UGT2B28: variants seen among roughly 807,000 people sequenced by gnomAD.
UGT2B28 encodes UDP glucuronosyltransferase family 2 member B28, also known as UDP-glucuronosyltransferase 2B28.
In UGT2B28, 45 loss-of-function variants were observed where a neutral mutation model predicts 43.6. That is an observed-to-expected ratio of 1.03 (90% CI 0.81 to 1.32). The LOEUF is 1.32. Ranked by LOEUF, UGT2B28 falls within the 40% of genes most tolerant of loss-of-function variation. UGT2B28 has a pLI of 0.00. For synonymous variants in UGT2B28, 204 were observed against 208.1 expected (o/e 0.98, Z 0.17); for missense variants, 649 against 625.5 (o/e 1.04, Z -0.40).
In UGT2B28 at chr4:69,285,753, T is replaced by A. The variant is rs1428318728; in HGVS notation, c.871-999T>A. On this transcript the variant is annotated intron_variant, in intron 2 of 5. Transcript: ENST00000335568. ...ATCGGTATACATTGGGGAACTCAAG[T>A]CAGAATAATTCTCAATCAATTGCAG... 1.4e-5 allele frequency among the ~76,000 whole-genome samples: 2 copies of A among 140,994 alleles called. 1 individual carries two copies. The highest frequency in any genetic ancestry group is 3.0e-5 in the Non-Finnish European group (2 of 65,938). 92.5% of individuals were successfully genotyped at this position (140,994 alleles called of 152,430 possible). A position where few individuals can be genotyped will look rare whatever the true frequency, so the allele number is the denominator to read the frequency against.
chr4:69,290,604 C>T lies in UGT2B28; in HGVS notation c.1103C>T (p.Thr368Ile). 1 of 1,557,176 alleles carries T rather than the reference C, an allele frequency of 6.4e-7. No homozygotes were observed. The highest frequency in any genetic ancestry group is 8.7e-7 in the Non-Finnish European group (1 of 1,153,790). ...PQNDLLGLPK[T>I]RAFITHGGAN... ...CATCCAATCCTAGGTCTTCCAAAAACCAGAGCTTTTATAACTCATGGTGGA... is the reference window on the plus strand; with the variant it reads ...CATCCAATCCTAGGTCTTCCAAAAATCAGAGCTTTTATAACTCATGGTGGA... Residue 368 changes from threonine (T) to isoleucine (I), a missense_variant, in exon 5 of 6, where the codon ACC becomes ATC. Coordinates refer to ENST00000335568, the MANE Select transcript of UGT2B28 (RefSeq NM_053039.2).
intron 2 of UGT2B28, among the ~76,000 whole-genome samples, chr4:69,285,546 T>C (rs1305750921): frequency 7.1e-6 from 1 of 140,074 alleles, no homozygotes; most frequent in Non-Finnish European, 1.5e-5. Context: ...GCCCCAGGTA[T>C]TACGTGGAAT....
rs781676223 is a variant in UGT2B28, at chr4:69,289,697, T to A, written c.1035T>A (p.Asp345Glu). 10 of 1,560,686 alleles carry A rather than the reference T, an allele frequency of 6.4e-6. No individual in the cohort carries two copies. Among genetic ancestry groups the A allele is most frequent in the Middle Eastern group, 1.8e-4 (1 of 5,478 alleles). The change falls in exon 4 of 6, where the codon GAT (aspartate) becomes GAA (glutamate). Residue 345 changes from aspartate to glutamate, a missense_variant. Transcript: ENST00000335568. The stretch of plus-strand genomic sequence containing the variant: ...GGAGATTTGATGGGAATAAACCAGA[T>A]GCCTTAGGTCTCAATACTCGGCTGT... ...VLWRFDGNKP[D>E]ALGLNTRLYK...
rs529114093 is a variant in UGT2B28 at position 69,280,776 on chromosome 4, A to C, written c.276A>C (p.Gln92His). The C allele has an allele frequency of 6.3e-5, 99 of 1,568,318 alleles. 17 individuals carry two copies. Among genetic ancestry groups the C allele is most frequent in the South Asian group, 1.4e-4 (12 of 85,120 alleles). The change falls in exon 1 of 6, where the codon CAA (glutamine) becomes CAC (histidine). Residue 92 changes from glutamine (Q) to histidine (H), a missense_variant. Gln to His is a conservative substitution (Grantham distance 24, BLOSUM62 0). Transcript: ENST00000335568. ...TKTEFENIIM[Q>H]QVKRWSDIQK... ...CTGAATTTGAGAATATCATCATGCA[A>C]CAGGTTAAGAGATGGTCAGACATTC... is the stretch of plus-strand genomic sequence containing the variant.
intron 5 of UGT2B28, among the ~76,000 whole-genome samples, chr4:69,291,119 A>C (rs1000436254): frequency 2.1e-5 from 3 of 140,632 alleles, no homozygotes; most frequent in Non-Finnish European, 3.0e-5. Flanking sequence ...AGGAAGAATA[A>C]ACTTGAAATA....
intron 5 of UGT2B28, 63 bp downstream of exon 5, chr4:69,290,874 G>T: frequency 1.4e-6 from 2 of 1,478,586 alleles, no homozygotes; most frequent in Non-Finnish European, 1.8e-6. Context: ...TCAATAGTGA[G>T]CATGAGTTTC....
At position 69,285,582 on chromosome 4, in the gene UGT2B28, C is replaced by T. The variant is rs190541961; in HGVS notation, c.871-1170C>T. 2.8e-4 allele frequency among the ~76,000 whole-genome samples: 40 copies of T among 140,872 alleles called. 4 individuals carry two copies. The highest frequency in any genetic ancestry group is 8.1e-4 in the East Asian group (4 of 4,922). 92.4% of individuals were successfully genotyped at this position (140,872 alleles called of 152,430 possible). A position where few individuals can be genotyped will look rare whatever the true frequency, so the allele number is the denominator to read the frequency against. The stretch of plus-strand genomic sequence containing the variant: ...AGTAGTACAAGGACTCTCACGTTAA[C>T]GTAAGATTAAAAATCATATTTTAAA... On this transcript the variant is annotated intron_variant, in intron 2 of 5. Coordinates refer to ENST00000335568, the MANE Select transcript of UGT2B28 (RefSeq NM_053039.2).
In UGT2B28 at chr4:69,283,689, A is replaced by G. The variant is rs1723688670; in HGVS notation, c.870+1027A>G. Among the ~76,000 whole-genome samples, 2 of 140,964 alleles carry G rather than the reference A, an allele frequency of 1.4e-5. 1 individual carries two copies. Among genetic ancestry groups the G allele is most frequent in the Non-Finnish European group, 3.0e-5 (2 of 65,756 alleles). The allele number at this position is 140,964 out of a possible 152,430, so 92.5% of individuals were successfully genotyped here. Reference sequence around the variant, plus strand: ...ACTCAGAAATGTTATTAATTTTGCAATTATGGTTATTTTGTTATTATTACC... The same window carrying G: ...ACTCAGAAATGTTATTAATTTTGCAGTTATGGTTATTTTGTTATTATTACC... On this transcript the variant is annotated intron_variant, in intron 2 of 5. Coordinates refer to ENST00000335568, the MANE Select transcript of UGT2B28 (RefSeq NM_053039.2).
Position 69,295,027 on chromosome 4 carries a change from A to G in UGT2B28, c.*218A>G. On this transcript the variant is annotated 3_prime_UTR_variant, in exon 6 of 6. Transcript: ENST00000335568. ...TGTGGCAATGAAGAAAACACTAGGG[A>G]AAATAAAAAATAATATAAAGCCATA... 2.1e-6 allele frequency: 1 copy of G among 471,468 alleles called. No homozygotes were observed. The highest frequency in any genetic ancestry group is 4.8e-5 in the Admixed American group (1 of 21,046). The allele number at this position is 471,468 out of a possible 1,614,324, so 29.2% of individuals were successfully genotyped here. A position where few individuals can be genotyped will look rare whatever the true frequency, so the allele number is the denominator to read the frequency against.
At chr4:69,286,985 A>T in intron 3 of UGT2B28, 102 bp downstream of exon 3, 1 of 1,474,794 alleles carries the variant, frequency 6.8e-7, no homozygotes, top group Non-Finnish European at 9.0e-7. Context: ...AACTCTTTAC[A>T]GCCAAATACA....
Position 69,284,461 on chromosome 4 carries a change from T to C in UGT2B28, c.870+1799T>C, listed in dbSNP as rs568276802. Among the ~76,000 whole-genome samples, 15 of 140,566 alleles carry C rather than the reference T, an allele frequency of 1.1e-4. 4 individuals carry two copies. The highest frequency in any genetic ancestry group is 3.6e-4 in the African/African-American group (13 of 36,074). 92.2% of individuals were successfully genotyped at this position (140,566 alleles called of 152,430 possible). A position where few individuals can be genotyped will look rare whatever the true frequency, so the allele number is the denominator to read the frequency against. On this transcript the variant is annotated intron_variant, in intron 2 of 5. Transcript: ENST00000335568. ...TTCCATTGTTAAAACTCAGTATCTA[T>C]GTTTAATGCAAATTGTATGGGCTTT...
chr4:69,294,408 C>G lies in UGT2B28; in HGVS notation c.1311-122C>G. 2 of 1,064,024 alleles carry G rather than the reference C, an allele frequency of 1.9e-6. 1 individual carries two copies. Among genetic ancestry groups the G allele is most frequent in the Non-Finnish European group, 2.4e-6 (2 of 821,740 alleles). The allele number at this position is 1,064,024 out of a possible 1,614,324, so 65.9% of individuals were successfully genotyped here. Reference sequence around the variant, plus strand: ...TGACTCAAATTAAAATACACAAATTCTCTGTCAATTCTTTCAAATTTACTT... The same window carrying G: ...TGACTCAAATTAAAATACACAAATTGTCTGTCAATTCTTTCAAATTTACTT... On this transcript the variant is annotated intron_variant, in intron 5 of 5. Coordinates refer to ENST00000335568, the MANE Select transcript of UGT2B28 (RefSeq NM_053039.2).
chr4:69,282,776 T>C, intron 2 of UGT2B28, 114 bp downstream of exon 2: 2 of 1,431,078 alleles, frequency 1.4e-6, no homozygotes, highest in South Asian at 2.9e-5. Flanking sequence ...GGGAAGTAGG[T>C]GGTGTAAAGC....
chr4:69,284,268 A>T (rs1723705400), intron 2 of UGT2B28, among the ~76,000 whole-genome samples: 1 of 140,414 alleles, frequency 7.1e-6, no homozygotes, highest in Admixed American at 7.1e-5. Flanking sequence ...TACGAAAAAA[A>T]ATTCTGTCAG....
At chr4:69,294,283 C>G (rs2109699611) in intron 5 of UGT2B28, among the ~76,000 whole-genome samples, 1 of 139,930 alleles carries the variant, frequency 7.1e-6, no homozygotes, top group East Asian at 2.1e-4. Context: ...TATATTTTCT[C>G]TGCTTGAAAA....
At chr4:69,281,321 G>A (rs549507480) in intron 1 of UGT2B28, 100 bp downstream of exon 1, 2 of 1,294,606 alleles carry the variant, frequency 1.5e-6, no homozygotes, top group Non-Finnish European at 2.0e-6. Context: ...GGAGTTTTTG[G>A]TAAGTGAATT....
At chr4:69,290,899 A>G (rs1723937811) in intron 5 of UGT2B28, 88 bp downstream of exon 5, 2 of 1,371,444 alleles carry the variant, frequency 1.5e-6, no homozygotes, top group Non-Finnish European at 1.9e-6. Context: ...TTTTTATAAG[A>G]GAGTAATCTT....
At chr4:69,287,205 A>C (rs1245916007) in intron 3 of UGT2B28, among the ~76,000 whole-genome samples, 3 of 140,962 alleles carry the variant, frequency 2.1e-5, no homozygotes, top group African/African-American at 8.3e-5. Context: ...ACAGTCATAC[A>C]TATGGCTGAA....
chr4:69,285,793 A>G (rs181126877), intron 2 of UGT2B28, among the ~76,000 whole-genome samples: 2 of 141,034 alleles, frequency 1.4e-5, no homozygotes, highest in Admixed American at 1.4e-4. Flanking sequence ...GCACATCTTC[A>G]CCAGGCGTGT....
Sources: allele counts gnomAD v4.1 joint callset (sites outside exome capture counted in the v4.1 genomes callset), GRCh38; gene constraint gnomAD v4.1.1; transcripts MANE v1.5; gene names NCBI Gene and HGNC (gene_info 2026-07-23, HGNC 2026-07-21).